DGKI: variants seen among roughly 807,000 people sequenced by gnomAD.
DGKI encodes the protein diacylglycerol kinase iota.
Under a neutral mutation model 147.5 loss-of-function variants are expected in DGKI, and 55 were observed. That is an observed-to-expected ratio of 0.37 (90% CI 0.30 to 0.47). The LOEUF is 0.47. Among genes scored for constraint, DGKI ranks in the 20% least tolerant of loss-of-function variants. The probability of loss-of-function intolerance (pLI) is 1.00; values close to 1 mark genes in which losing one functional copy is unlikely to be tolerated. For missense variants in DGKI, 1,007 were observed against 1,323.8 expected (o/e 0.76, Z 3.71); for synonymous variants, 469 against 477.1 (o/e 0.98, Z 0.22).
chr7:137,501,420 A>T (rs1816167013), intron 21 of DGKI, among the ~76,000 whole-genome samples: 1 of 152,046 alleles, frequency 6.6e-6, no homozygotes, highest in South Asian at 2.1e-4. Context: ...TGGTTAATCT[A>T]TCTTTAGTTT....
At chr7:137,413,757 T>C (rs1008781220) in intron 28 of DGKI, among the ~76,000 whole-genome samples, 6 of 152,164 alleles carry the variant, frequency 3.9e-5, no homozygotes, top group African/African-American at 1.4e-4. Flanking sequence ...AGTACATATG[T>C]GTTTTTGGTA....
intron 28 of DGKI, among the ~76,000 whole-genome samples, chr7:137,435,009 G>A (rs541073614): frequency 6.6e-6 from 1 of 152,210 alleles, no homozygotes; most frequent in South Asian, 2.1e-4. Context: ...CATAGTAACT[G>A]AATCTCTGGA....
At chr7:137,747,033 G>T (rs551407158) in intron 1 of DGKI, among the ~76,000 whole-genome samples, 3 of 152,256 alleles carry the variant, frequency 2.0e-5, no homozygotes, top group South Asian at 2.1e-4. Flanking sequence ...ATTTTGAGGA[G>T]AATTTATTTC....
intron 21 of DGKI, among the ~76,000 whole-genome samples, chr7:137,501,954 T>G (rs775975284): frequency 6.6e-6 from 1 of 152,158 alleles, no homozygotes. Context: ...TGATAGTGAA[T>G]GGGTCTCACA....
chr7:137,684,294 G>A (rs185808283), intron 2 of DGKI, among the ~76,000 whole-genome samples: 2 of 152,322 alleles, frequency 1.3e-5, no homozygotes, highest in Admixed American at 6.5e-5. Flanking sequence ...AAGATTTAGT[G>A]TGAGAAAAGA....
intron 1 of DGKI, among the ~76,000 whole-genome samples, chr7:137,754,107 A>G (rs1795603966): frequency 6.6e-6 from 1 of 152,118 alleles, no homozygotes; most frequent in South Asian, 2.1e-4. Context: ...AGAAGGTGGG[A>G]GGCACTGTGG....
chr7:137,677,291 C>T (rs1563145622), intron 3 of DGKI, among the ~76,000 whole-genome samples: 1 of 152,172 alleles, frequency 6.6e-6, no homozygotes, highest in Non-Finnish European at 1.5e-5. Context: ...TTTAATCCTA[C>T]TCTCTGTTTT....
intron 1 of DGKI, among the ~76,000 whole-genome samples, chr7:137,693,464 A>G (rs1032697148): frequency 6.6e-6 from 1 of 152,250 alleles, no homozygotes; most frequent in Admixed American, 6.5e-5. Context: ...TGCAGTTTCA[A>G]TAATACAACA....
At chr7:137,467,991 G>GA (rs58319577) in intron 24 of DGKI, among the ~76,000 whole-genome samples, 2,246 of 84,660 alleles carry the variant, frequency 0.027, 37 homozygotes, top group African/African-American at 0.077. Context: ...TCTCAAAAAA[G>GA]AAAAAAAAAA....
At chr7:137,601,907 G>A (rs889690922) in intron 10 of DGKI, among the ~76,000 whole-genome samples, 4 of 152,074 alleles carry the variant, frequency 2.6e-5, no homozygotes, top group Admixed American at 2.0e-4. Flanking sequence ...TAGGAATCAC[G>A]TTCTATCTAA....
rs540388972 is a variant in DGKI at position 137,606,139 on chromosome 7, T to G, written c.1167+2827A>C. ...AAGAGTTTTAAAATATGGGATTTCT[T>G]AAAAGAGAGACATAGAAGCAGTCCT... On this transcript the variant is annotated intron_variant, in intron 10 of 32. Transcript: ENST00000614521. 9.7e-4 allele frequency among the ~76,000 whole-genome samples: 147 copies of G among 152,250 alleles called. 1 individual carries two copies. Among genetic ancestry groups the G allele is most frequent in the Non-Finnish European group, 1.7e-3 (113 of 68,010 alleles).
Position 137,583,675 on chromosome 7 carries a change from G to A in DGKI, c.1563+1534C>T, listed in dbSNP as rs1485393235. 3.3e-5 allele frequency among the ~76,000 whole-genome samples: 5 copies of A among 152,230 alleles called. No individual in the cohort carries two copies. The South Asian group carries it at 6.2e-4, about 19-fold the overall frequency. ...TTTCCATTTCTTAAGCTGTTGGAAA[G>A]AGAATTAAATATGGATTTCTATTGC... On this transcript the variant is annotated intron_variant, in intron 14 of 32. Coordinates refer to ENST00000614521, the MANE Select transcript of DGKI (RefSeq NM_001321708.2).
At chr7:137,733,353 T>A (rs1363313984) in intron 1 of DGKI, among the ~76,000 whole-genome samples, 1 of 152,092 alleles carries the variant, frequency 6.6e-6, no homozygotes, top group Non-Finnish European at 1.5e-5. Flanking sequence ...TTTGTCCTTT[T>A]GTGAGTGGCT....
At position 137,497,582 on chromosome 7, in the gene DGKI, C is replaced by T. The variant is rs1816014127; in HGVS notation, c.2249-9893G>A. On this transcript the variant is annotated intron_variant, in intron 21 of 32. Coordinates refer to ENST00000614521, the MANE Select transcript of DGKI (RefSeq NM_001321708.2). ...TAGAGAGGATAAAGAAAATGTGGGA[C>T]ATATACACCATGCAATACTACATAG... 2.0e-5 allele frequency among the ~76,000 whole-genome samples: 3 copies of T among 151,968 alleles called. No homozygotes were observed. In the South Asian group the frequency reaches 6.2e-4, roughly 32 times the overall value.
chr7:137,648,524 T>C (rs1821911944), intron 5 of DGKI, among the ~76,000 whole-genome samples: 1 of 152,222 alleles, frequency 6.6e-6, no homozygotes, highest in South Asian at 2.1e-4. Context: ...ACTTTACATA[T>C]ACAACGATTC....
At chr7:137,538,002 A>G (rs1475570936) in intron 20 of DGKI, among the ~76,000 whole-genome samples, 1 of 152,234 alleles carries the variant, frequency 6.6e-6, no homozygotes, top group African/African-American at 2.4e-5. Flanking sequence ...CAGAATAAAG[A>G]GACCTTTCAT....
At chr7:137,547,298 G>A (rs1817897534) in intron 20 of DGKI, among the ~76,000 whole-genome samples, 1 of 152,168 alleles carries the variant, frequency 6.6e-6, no homozygotes, top group South Asian at 2.1e-4. Flanking sequence ...AACACAGTGG[G>A]ACCTAGCTTT....
intron 19 of DGKI, among the ~76,000 whole-genome samples, chr7:137,561,512 A>G (rs1818419522): frequency 6.6e-6 from 1 of 152,234 alleles, no homozygotes; most frequent in African/African-American, 2.4e-5. Flanking sequence ...ATACCACTGT[A>G]GGATGACTAT....
At chr7:137,598,017 T>C in intron 11 of DGKI, 110 bp from the exon 12 acceptor site, 1 of 869,726 alleles carries the variant, frequency 1.1e-6, no homozygotes. Context: ...CTGGAGAAAA[T>C]GTGTAATCAT....
Sources: gnomAD v4.1 joint callset for allele counts (sites outside exome capture counted in the v4.1 genomes callset) on GRCh38, gnomAD v4.1.1 for gene constraint, MANE v1.5 for transcripts, NCBI Gene and HGNC (gene_info 2026-07-23, HGNC 2026-07-21) for gene names.